KIAA1549: variants seen among roughly 807,000 people sequenced by gnomAD.
KIAA1549 encodes the protein KIAA1549.
In KIAA1549, 70 loss-of-function variants were observed where a neutral mutation model predicts 156.4. The observed-to-expected ratio is 0.45, with a 90% confidence interval of 0.37 to 0.55. The LOEUF is 0.55. Among genes scored for constraint, KIAA1549 ranks in the 20% least tolerant of loss-of-function variants. The pLI is 0.00. For missense variants in KIAA1549, 2,428 were observed against 2,540.9 expected (o/e 0.96, Z 0.96); for synonymous variants, 1,103 against 1,066.4 (o/e 1.03, Z -0.67).
At chr7:138,881,278 G>A (rs1811233320) in intron 11 of KIAA1549, 110 bp downstream of exon 11, 6 of 1,078,386 alleles carry the variant, frequency 5.6e-6, no homozygotes, top group South Asian at 3.4e-5. Context: ...CTGCTGGGCT[G>A]CACATGCAGG....
chr7:138,968,809 A>G (rs1814122500), intron 1 of KIAA1549, among the ~76,000 whole-genome samples: 1 of 150,214 alleles, frequency 6.7e-6, no homozygotes, highest in Admixed American at 6.7e-5. Context: ...GCAGTGAGCC[A>G]AGATCGCGCC....
Position 138,917,063 on chromosome 7 carries a change from T to G in KIAA1549, c.2563A>C (p.Thr855Pro), listed in dbSNP as rs1195330485. Residue 855 changes from threonine (T) to proline (P), a missense_variant, in exon 2 of 20, where the codon ACC (threonine) becomes CCC (proline). Physicochemically the swap from Thr to Pro is conservative, Grantham distance 38. Around this residue, in one of 5 missense-constraint regions of KIAA1549, gnomAD observed 762 missense variants for 901.6 expected, o/e 0.85. Coordinates refer to ENST00000422774, the MANE Select transcript of KIAA1549 (RefSeq NM_001164665.2). Reference sequence around the variant, plus strand: ...AGCTCTGTGGGCAGAGGGAAGGGGGTTGCTTCAGAAACAAACGAGGATCCT... The same window carrying G: ...AGCTCTGTGGGCAGAGGGAAGGGGGGTGCTTCAGAAACAAACGAGGATCCT... ...PSGSSFVSEA[T>P]PFPLPTELTV... 1 of 1,607,474 alleles carries G rather than the reference T, an allele frequency of 6.2e-7. No homozygotes were observed. Among genetic ancestry groups the G allele is most frequent in the Non-Finnish European group, 8.5e-7 (1 of 1,177,216 alleles).
At chr7:138,975,742 G>C (rs1329899923) in intron 1 of KIAA1549, among the ~76,000 whole-genome samples, 1 of 152,196 alleles carries the variant, frequency 6.6e-6, no homozygotes, top group African/African-American at 2.4e-5. Context: ...GTCACAACTT[G>C]AAAACAAATT....
intron 1 of KIAA1549, among the ~76,000 whole-genome samples, chr7:138,955,683 T>C (rs1344646282): frequency 1.3e-5 from 2 of 152,222 alleles, no homozygotes; most frequent in African/African-American, 2.4e-5. Flanking sequence ...CATATACATA[T>C]TTTGAAACAC....
chr7:138,912,661 C>T (rs1394219325), intron 2 of KIAA1549, among the ~76,000 whole-genome samples: 2 of 151,932 alleles, frequency 1.3e-5, no homozygotes, highest in Non-Finnish European at 2.9e-5. Context: ...GCAGTGGGGA[C>T]CTTGAAGACA....
Position 138,835,322 on chromosome 7 carries a change from C to T in KIAA1549, c.*2584G>A, listed in dbSNP as rs1017133016. 4.2e-5 allele frequency: 9 copies of T among 215,006 alleles called. No homozygotes were observed. Among genetic ancestry groups the T allele is most frequent in the Non-Finnish European group, 8.4e-5 (9 of 106,630 alleles). 13.3% of individuals were successfully genotyped at this position (215,006 alleles called of 1,614,324 possible). A position where few individuals can be genotyped will look rare whatever the true frequency, so the allele number is the denominator to read the frequency against. ...CAGCAGAGGGCTGGTGATCCGGGGG[C>T]CTGCTCACACCACACCATAACCACC... On this transcript the variant is annotated 3_prime_UTR_variant, in exon 20 of 20. Transcript: ENST00000422774.
chr7:138,865,321 A>C (rs1325684801), intron 15 of KIAA1549, among the ~76,000 whole-genome samples: 1 of 152,182 alleles, frequency 6.6e-6, no homozygotes, highest in Non-Finnish European at 1.5e-5. Flanking sequence ...GAACCAAGGA[A>C]TATTTCTCTT....
chr7:138,871,019 G>A, intron 13 of KIAA1549, 138 bp downstream of exon 13: 1 of 717,796 alleles, frequency 1.4e-6, no homozygotes, highest in Non-Finnish European at 2.3e-6. Context: ...GTTTCACCAT[G>A]TTGGCCAGGC....
intron 16 of KIAA1549, among the ~76,000 whole-genome samples, chr7:138,858,479 T>A (rs902676640): frequency 6.6e-6 from 1 of 152,166 alleles, no homozygotes; most frequent in African/African-American, 2.4e-5. Flanking sequence ...ATTATTAATT[T>A]TACCTTATTG....
chr7:138,972,463 C>T (rs1383483647), intron 1 of KIAA1549, among the ~76,000 whole-genome samples: 1 of 150,658 alleles, frequency 6.6e-6, no homozygotes, highest in Non-Finnish European at 1.5e-5. Flanking sequence ...TCACCTCCTA[C>T]CTCATCCAGA....
chr7:138,955,116 G>A (rs143145249), intron 1 of KIAA1549, among the ~76,000 whole-genome samples: 5 of 152,286 alleles, frequency 3.3e-5, no homozygotes, highest in African/African-American at 1.2e-4. Flanking sequence ...TAGATTTCGA[G>A]GAAACTGAGG....
intron 12 of KIAA1549, among the ~76,000 whole-genome samples, chr7:138,877,047 C>T (rs1180855353): frequency 1.3e-5 from 2 of 152,212 alleles, no homozygotes; most frequent in Non-Finnish European, 2.9e-5. Context: ...GAGCCGGTAG[C>T]TGTACCACCC....
intron 12 of KIAA1549, among the ~76,000 whole-genome samples, chr7:138,874,577 T>C (rs1811027351): frequency 6.6e-6 from 1 of 152,152 alleles, no homozygotes; most frequent in Non-Finnish European, 1.5e-5. Context: ...CACAGAAGGA[T>C]AAACACTGCA....
intron 16 of KIAA1549, among the ~76,000 whole-genome samples, chr7:138,853,930 G>A (rs1421922385): frequency 6.6e-6 from 1 of 152,172 alleles, no homozygotes. Flanking sequence ...GGAGTTCTTA[G>A]TGGCATATTA....
chr7:138,948,303 G>T (rs1390779970), intron 1 of KIAA1549, among the ~76,000 whole-genome samples: 1 of 152,174 alleles, frequency 6.6e-6, no homozygotes, highest in African/African-American at 2.4e-5. Context: ...ATGGAGGGAA[G>T]ATGGTGTGAA....
chr7:138,934,710 G>C (rs1302038238), intron 1 of KIAA1549, among the ~76,000 whole-genome samples: 1 of 152,134 alleles, frequency 6.6e-6, no homozygotes, highest in Non-Finnish European at 1.5e-5. Context: ...CTGAAAAATG[G>C]GTGTTGAGAT....
chr7:138,917,333 C>T lies in KIAA1549; in HGVS notation c.2293G>A (p.Ala765Thr), dbSNP rs771107330. The T allele has an allele frequency of 1.3e-5, 21 of 1,613,684 alleles. No homozygotes were observed. The highest frequency in any genetic ancestry group is 1.6e-4 in the Middle Eastern group (1 of 6,062). Residue 765 changes from alanine (A) to threonine (T), a missense_variant, in exon 2 of 20, where the codon GCA becomes ACA. Ala to Thr is a moderately conservative substitution (Grantham distance 58). This residue lies in a region of KIAA1549 where 762 missense variants were observed against 901.6 expected (regional missense o/e 0.85). Transcript: ENST00000422774. ...CCGGGGGGCACCAGTGCAGTGACTG[C>T]GGATTCATGGGAAATGAGTGAAGAC... Reference protein sequence around the residue: ...LESSLISHESAVTALVPPGSE... With the variant: ...LESSLISHESTVTALVPPGSE...
intron 10 of KIAA1549, among the ~76,000 whole-genome samples, chr7:138,883,460 A>G (rs1333492563): frequency 6.6e-6 from 1 of 151,730 alleles, no homozygotes; most frequent in African/African-American, 2.4e-5. Context: ...TTAAGGGTGC[A>G]CGCCACCATG....
intron 1 of KIAA1549, among the ~76,000 whole-genome samples, chr7:138,944,479 C>T (rs1374523644): frequency 2.0e-5 from 3 of 152,070 alleles, no homozygotes; most frequent in Admixed American, 6.5e-5. Context: ...AAGAGTTTGG[C>T]GGGGATCTGG....
Sources: gnomAD v4.1 joint callset for allele counts (sites outside exome capture counted in the v4.1 genomes callset) on GRCh38, gnomAD v4.1.1 for gene constraint, gnomAD v4.1.1 regional missense constraint, MANE v1.5 for transcripts, NCBI Gene and HGNC (gene_info 2026-07-23, HGNC 2026-07-21) for gene names.